TFDP1: variants seen among roughly 807,000 people sequenced by gnomAD.
TFDP1 encodes the protein transcription factor Dp-1.
Under a neutral mutation model 48.0 loss-of-function variants are expected in TFDP1, and 6 were observed. The observed-to-expected ratio is 0.13, with a 90% CI of 0.07 to 0.25. The LOEUF (loss-of-function observed/expected upper bound fraction) is 0.25, where lower values mean the gene tolerates loss of function less well. Ranked by LOEUF, TFDP1 falls within the 10% of genes least tolerant of loss-of-function variation. TFDP1 has a pLI of 1.00. For missense variants in TFDP1, 335 were observed against 543.0 expected (o/e 0.62, Z 3.81); for synonymous variants, 201 against 211.6 (o/e 0.95, Z 0.44).
At chr13:113,597,800 G>A (rs900688851) in intron 2 of TFDP1, among the ~76,000 whole-genome samples, 4 of 152,238 alleles carry the variant, frequency 2.6e-5, no homozygotes, top group Non-Finnish European at 5.9e-5. Flanking sequence ...CAATGTGAGG[G>A]CTCTGAGCTC....
In TFDP1 at chr13:113,607,690, G is replaced by A. The variant is rs1334692294; in HGVS notation, c.13-3306G>A. The stretch of plus-strand genomic sequence containing the variant: ...GCCGCCCGGGTCCACAACCTGGCCC[G>A]TTAACTCCCTGGGCAGCTGCTGGGG... On this transcript the variant is annotated intron_variant, in intron 2 of 11. Transcript: ENST00000375370. This position sits in a 1 kb window ranked among gnomAD's most constrained non-coding sequence, Gnocchi z 5.2. Among the ~76,000 whole-genome samples the A allele has an allele frequency of 6.6e-6, 1 of 152,160 alleles. No individual in the cohort carries two copies. Among genetic ancestry groups the A allele is most frequent in the Admixed American group, 6.5e-5 (1 of 15,284 alleles).
intron 1 of TFDP1, chr13:113,585,163 CGGGGCCGGGGCT>C (rs1378393330): frequency 2.1e-5 from 3 of 145,396 alleles, no homozygotes; most frequent in African/African-American, 7.4e-5. Context: ...GGGCCGGGGC[CGGGGCCGGGGCT>C]GGGGCCAGGG....
chr13:113,613,822 C>G (rs2048779546), intron 3 of TFDP1, among the ~76,000 whole-genome samples: 1 of 151,162 alleles, frequency 6.6e-6, no homozygotes. Flanking sequence ...CGTGTCTGTT[C>G]ATGGGTTGCA....
chr13:113,610,339 G>A (rs559253079), intron 2 of TFDP1, among the ~76,000 whole-genome samples: 1 of 151,782 alleles, frequency 6.6e-6, no homozygotes, highest in East Asian at 1.9e-4. Flanking sequence ...GTACTGTCAT[G>A]CGTGTGCCCC....
At position 113,641,246 on chromosome 13, in the gene TFDP1, AAAGGAATTT is replaced by A. The variant is rs2049631608; in HGVS notation, c.*985_*993del. ...AATAGTTCTTTTTTTATAAAAAGAA[AAAGGAATTT>A]AAGGACAGGCAGTAGTCTCTTTTAA... is the stretch of plus-strand genomic sequence containing the variant. On this transcript the variant is annotated 3_prime_UTR_variant, in exon 12 of 12. Transcript: ENST00000375370. 6.6e-6 allele frequency: 1 copy of A among 152,498 alleles called. No individual in the cohort carries two copies. The highest frequency in any genetic ancestry group is 1.5e-5 in the Non-Finnish European group (1 of 68,046). 9.4% of individuals were successfully genotyped at this position (152,498 alleles called of 1,614,324 possible). A position where few individuals can be genotyped will look rare whatever the true frequency, so the allele number is the denominator to read the frequency against.
intron 4 of TFDP1, among the ~76,000 whole-genome samples, chr13:113,630,622 G>T (rs1219266330): frequency 6.6e-6 from 1 of 152,186 alleles, no homozygotes; most frequent in East Asian, 1.9e-4. Flanking sequence ...GAGGCACTTT[G>T]ATTTGTGGTG....
At chr13:113,588,499 G>C (rs1419140078) in intron 2 of TFDP1, among the ~76,000 whole-genome samples, 1 of 152,252 alleles carries the variant, frequency 6.6e-6, no homozygotes, top group African/African-American at 2.4e-5. Flanking sequence ...ATGTGAGTGA[G>C]GGGCAGAAAG....
chr13:113,626,901 G>A (rs548691428), intron 4 of TFDP1, among the ~76,000 whole-genome samples: 19 of 152,266 alleles, frequency 1.2e-4, no homozygotes, highest in African/African-American at 4.3e-4. Context: ...CACCACTTTC[G>A]TCTTTACTGC....
chr13:113,612,243 CT>C (rs1347890589), intron 3 of TFDP1, among the ~76,000 whole-genome samples: 2 of 152,170 alleles, frequency 1.3e-5, no homozygotes, highest in African/African-American at 2.4e-5. Context: ...TCCTTGGGGC[CT>C]GTCCCTAGGT....
At chr13:113,624,514 TCTCACGTGTC>T (rs1484615387) in intron 4 of TFDP1, among the ~76,000 whole-genome samples, 1 of 148,576 alleles carries the variant, frequency 6.7e-6, no homozygotes, top group African/African-American at 2.6e-5. Flanking sequence ...TCAGGGTGTC[TCTCACGTGTC>T]CTCAGGTGTC....
intron 2 of TFDP1, among the ~76,000 whole-genome samples, chr13:113,609,652 C>T (rs59733946): frequency 0.033 from 4,953 of 151,734 alleles, 252 homozygotes; most frequent in African/African-American, 0.11. Context: ...GGGGTCTTGG[C>T]GTCTCCTTGT....
Position 113,624,317 on chromosome 13 carries a change from A to G in TFDP1, c.186+1031A>G, listed in dbSNP as rs573819887. 2.7e-3 allele frequency among the ~76,000 whole-genome samples: 410 copies of G among 151,348 alleles called. 1 individual carries two copies. Among genetic ancestry groups the G allele is most frequent in the African/African-American group, 9.5e-3 (392 of 41,148 alleles). ...CACCAGGTGTCTCTCAGGCATACCC[A>G]GGTGTCCTCACGTGTCTCTCGGGTG... On this transcript the variant is annotated intron_variant, in intron 4 of 11. Coordinates refer to ENST00000375370, the MANE Select transcript of TFDP1 (RefSeq NM_007111.5).
intron 4 of TFDP1, 114 bp from the exon 5 acceptor site, chr13:113,631,507 GCT>G (rs1220384408): frequency 2.0e-5 from 27 of 1,353,732 alleles, no homozygotes; most frequent in Non-Finnish European, 2.6e-5. Context: ...CGTCATGGCT[GCT>G]CACTGTGGTT....
In TFDP1 at chr13:113,615,751, A is replaced by T. The variant is rs185482741; in HGVS notation, c.79+4689A>T. Among the ~76,000 whole-genome samples the T allele has an allele frequency of 5.8e-3, 876 of 152,122 alleles. 9 individuals are homozygous for T. Among genetic ancestry groups the T allele is most frequent in the African/African-American group, 0.018 (750 of 41,480 alleles). On this transcript the variant is annotated intron_variant, in intron 3 of 11. Transcript: ENST00000375370. ...AGACCCCATCTCTATAAAAAATTTTAAAAAAAAGTAGCCAAGCATGGTGGC... is the reference window on the plus strand; with the variant it reads ...AGACCCCATCTCTATAAAAAATTTTTAAAAAAAGTAGCCAAGCATGGTGGC...
chr13:113,624,131 C>T (rs1339851226), intron 4 of TFDP1, among the ~76,000 whole-genome samples: 6 of 152,274 alleles, frequency 3.9e-5, no homozygotes, highest in Non-Finnish European at 5.9e-5. Context: ...GCTGCCCCAG[C>T]CCTGTTCCTG....
intron 11 of TFDP1, among the ~76,000 whole-genome samples, chr13:113,638,341 G>A (rs933896102): frequency 2.0e-5 from 3 of 150,182 alleles, no homozygotes; most frequent in East Asian, 2.0e-4. Context: ...TTTTCAGAAC[G>A]CATCTGCGGT....
Position 113,607,799 on chromosome 13 carries a change from T to C in TFDP1, c.13-3197T>C, listed in dbSNP as rs2048606369. Among the ~76,000 whole-genome samples the C allele has an allele frequency of 6.6e-6, 1 of 152,310 alleles. No homozygotes were observed. Among genetic ancestry groups the C allele is most frequent in the South Asian group, 2.1e-4 (1 of 4,824 alleles). ...AGTGGTTTCCTGGACCTGGGTTTCC[T>C]GGGTGTGGGCTACTCAGGGATTGCT... On this transcript the variant is annotated intron_variant, in intron 2 of 11. Transcript: ENST00000375370. The surrounding 1 kb of genome is among the most constrained non-coding windows in gnomAD (Gnocchi z 5.2).
intron 11 of TFDP1, among the ~76,000 whole-genome samples, chr13:113,638,321 C>T (rs777553926): frequency 4.7e-5 from 7 of 149,104 alleles, no homozygotes; most frequent in East Asian, 2.0e-4. Context: ...TCTGCGATCA[C>T]AGCACACATT....
chr13:113,633,830 G>GT lies in TFDP1; in HGVS notation c.475-57dup. On this transcript the variant is annotated intron_variant, in intron 6 of 11. Transcript: ENST00000375370. This position sits in a 1 kb window ranked among gnomAD's most constrained non-coding sequence, Gnocchi z 4.5. ...TTTGAGCCAGTGCCCATGGTCTACAGTTTAAGGATCCACCGGCCTTTTTGG... is the reference window on the plus strand; with the variant it reads ...TTTGAGCCAGTGCCCATGGTCTACAGTTTTAAGGATCCACCGGCCTTTTTGG... The GT allele has an allele frequency of 6.4e-7, 1 of 1,558,960 alleles. No individual in the cohort carries two copies.
Sources: gnomAD v4.1 joint callset for allele counts (sites outside exome capture counted in the v4.1 genomes callset) on GRCh38, gnomAD v4.1.1 for gene constraint, Gnocchi (gnomAD v3.1) non-coding constraint, MANE v1.5 for transcripts, NCBI Gene and HGNC (gene_info 2026-07-23, HGNC 2026-07-21) for gene names.